ARHGEF7: variants seen among roughly 807,000 people sequenced by gnomAD.
ARHGEF7 encodes Rho guanine nucleotide exchange factor 7.
In ARHGEF7, 33 loss-of-function variants were observed where a neutral mutation model predicts 109.8. The ratio of observed to expected loss-of-function variants is 0.30; its 90% CI spans 0.23 to 0.40. The LOEUF (loss-of-function observed/expected upper bound fraction) is 0.40, where lower values mean the gene tolerates loss of function less well. Among genes scored for constraint, ARHGEF7 ranks in the 10% least tolerant of loss-of-function variants. The pLI is 1.00. For synonymous variants in ARHGEF7, 458 were observed against 424.6 expected (o/e 1.08, Z -0.97); for missense variants, 938 against 1,098.5 (o/e 0.85, Z 2.07).
chr13:111,275,665 G>C lies in ARHGEF7; in HGVS notation c.1406G>C (p.Cys469Ser), dbSNP rs531343656. The C allele has an allele frequency of 1.2e-6, 2 of 1,614,170 alleles. No individual in the cohort carries two copies. The highest frequency in any genetic ancestry group is 1.7e-5 in the Admixed American group (1 of 60,032). Residue 469 changes from cysteine (C) to serine (S), a missense_variant, in exon 12 of 22, where the codon TGT (cysteine) becomes TCT (serine). By Grantham distance (112) the Cys-to-Ser change is moderately radical. Transcript: ENST00000646102. Reference sequence around the variant, plus strand: ...TACATGTCCCAGGTCCTGATTCAGTGTGCCGGAAGTGAGGTACTGCTGCCC... The same window carrying C: ...TACATGTCCCAGGTCCTGATTCAGTCTGCCGGAAGTGAGGTACTGCTGCCC... ...VTYMSQVLIQ[C>S]AGSEEKNERY...
chr13:111,179,611 A>G (rs2078543618), intron 2 of ARHGEF7, among the ~76,000 whole-genome samples: 1 of 152,234 alleles, frequency 6.6e-6, no homozygotes, highest in Non-Finnish European at 1.5e-5. Context: ...TGGTGGTCTC[A>G]GAATGACGTT....
At chr13:111,219,400 A>G (rs866713615) in intron 5 of ARHGEF7, among the ~76,000 whole-genome samples, 2 of 152,224 alleles carry the variant, frequency 1.3e-5, no homozygotes, top group Non-Finnish European at 2.9e-5. Context: ...GTTGATGGGA[A>G]CTTGGGTTAC....
In ARHGEF7 at chr13:111,273,928, C is replaced by G; in HGVS notation, c.1188C>G (p.Leu396=). The change falls in exon 10 of 22, where the codon CTC becomes CTG. Residue 396 remains leucine, a synonymous_variant. Transcript: ENST00000646102. This position sits in a 1 kb window ranked among gnomAD's most constrained non-coding sequence, Gnocchi z 4.5. The stretch of plus-strand genomic sequence containing the variant: ...GCCTGGATAAATACCCTACGCTGCT[C>G]AAAGAGCTCGAGAGACACATGGAGG... ...FMRLDKYPTL[L]KELERHMEDY... The G allele has an allele frequency of 6.2e-7, 1 of 1,614,174 alleles. No homozygotes were observed. The highest frequency in any genetic ancestry group is 8.5e-7 in the Non-Finnish European group (1 of 1,180,026).
intron 8 of ARHGEF7, among the ~76,000 whole-genome samples, chr13:111,250,982 G>A (rs1261456654): frequency 6.6e-6 from 1 of 152,192 alleles, no homozygotes; most frequent in Non-Finnish European, 1.5e-5. Flanking sequence ...GGCTCTGTTA[G>A]GTAGACATGC....
chr13:111,157,318 AAACCCCTAGGCACACAATTTCT>A (rs1708837841), intron 2 of ARHGEF7, among the ~76,000 whole-genome samples: 1 of 151,988 alleles, frequency 6.6e-6, no homozygotes, highest in African/African-American at 2.4e-5. Context: ...TTAGGGCAAA[AAACCCCTAGGCACACAATTTCT>A]ATTTGTATCT....
At chr13:111,189,671 C>T (rs1372317440) in intron 2 of ARHGEF7, among the ~76,000 whole-genome samples, 5 of 152,152 alleles carry the variant, frequency 3.3e-5, no homozygotes, top group Non-Finnish European at 7.4e-5. Flanking sequence ...GCTTTTATTC[C>T]CTTATTTGGC....
At position 111,291,142 on chromosome 13, in the gene ARHGEF7, G is replaced by C. The variant is rs548677131; in HGVS notation, c.2135-976G>C. 5.3e-5 allele frequency among the ~76,000 whole-genome samples: 8 copies of C among 152,356 alleles called. No homozygotes were observed. The South Asian group carries it at 1.2e-3, about 24-fold the overall frequency. On this transcript the variant is annotated intron_variant, in intron 18 of 21. Transcript: ENST00000646102. ...TCAATTTGATAGAAGCAGGAGTAGG[G>C]AGGGGCCAGGGCTACTGTGATTTGC...
intron 1 of ARHGEF7, among the ~76,000 whole-genome samples, chr13:111,123,866 C>CA (rs200864109): frequency 3.6e-5 from 2 of 55,590 alleles, no homozygotes; most frequent in East Asian, 3.8e-4. Context: ...GGCTGCGCCC[C>CA]CCCCCCCCGG....
At chr13:111,283,391 C>T in intron 16 of ARHGEF7, 28 bp downstream of exon 16, 1 of 1,535,782 alleles carries the variant, frequency 6.5e-7, no homozygotes, top group Non-Finnish European at 8.7e-7. Context: ...CTCAAACAGC[C>T]AGATGACGGT....
chr13:111,301,671 T>A (rs1314260736), intron 21 of ARHGEF7, 139 bp downstream of exon 21: 10 of 604,906 alleles, frequency 1.7e-5, no homozygotes, highest in Non-Finnish European at 8.4e-6. Flanking sequence ...GGTGGACAGA[T>A]CACCTGAGGT....
chr13:111,254,180 G>C lies in ARHGEF7; in HGVS notation c.950+9886G>C, dbSNP rs532313849. On this transcript the variant is annotated intron_variant, in intron 8 of 21. Coordinates refer to ENST00000646102, the MANE Select transcript of ARHGEF7 (RefSeq NM_001354046.2). The stretch of plus-strand genomic sequence containing the variant: ...TGTACATTTTCTGTAAGATGATAGT[G>C]AAAACAGTACATCAAGAGAAAAATT... Among the ~76,000 whole-genome samples the C allele has an allele frequency of 1.8e-4, 28 of 152,342 alleles. No homozygotes were observed. The East Asian group carries it at 4.8e-3, about 26-fold the overall frequency.
rs1387585908 is a variant in ARHGEF7 at position 111,303,938 on chromosome 13, GT to G, written c.*829del. 1.3e-5 allele frequency: 2 copies of G among 152,286 alleles called. No homozygotes were observed. The highest frequency in any genetic ancestry group is 2.4e-5 in the African/African-American group (1 of 41,548). The allele number at this position is 152,286 out of a possible 1,614,324, so 9.4% of individuals were successfully genotyped here. ...TAGTTCAGTAACAACAAAATACACT[GT>G]TTTGTCTTCCCTCAAAGAGAGATCT... On this transcript the variant is annotated 3_prime_UTR_variant, in exon 22 of 22. Transcript: ENST00000646102.
chr13:111,250,432 A>G (rs975049163), intron 8 of ARHGEF7, among the ~76,000 whole-genome samples: 3 of 152,230 alleles, frequency 2.0e-5, no homozygotes, highest in Non-Finnish European at 4.4e-5. Flanking sequence ...TGAAAATTGT[A>G]TAAATAGTTA....
chr13:111,130,151 G>A (rs2074664034), intron 1 of ARHGEF7, among the ~76,000 whole-genome samples: 1 of 152,204 alleles, frequency 6.6e-6, no homozygotes, highest in Non-Finnish European at 1.5e-5. Context: ...AAGATTTCTA[G>A]TGACAGAAAG....
chr13:111,284,851 C>G (rs2153613821), intron 16 of ARHGEF7, among the ~76,000 whole-genome samples: 1 of 152,342 alleles, frequency 6.6e-6, no homozygotes, highest in South Asian at 2.1e-4. Context: ...CTGTGACCCT[C>G]TGCGCCTGCA....
Position 111,294,225 on chromosome 13 carries a change from C to T in ARHGEF7, c.2311+1931C>T, listed in dbSNP as rs943361019. ...TACTTACTATAAGTGGATTTAGAAG[C>T]GATTTTGGTTTTGTATTACATACGG... On this transcript the variant is annotated intron_variant, in intron 19 of 21. Transcript: ENST00000646102. The T allele has an allele frequency of 1.0e-5, 10 of 985,200 alleles. No homozygotes were observed. In the Admixed American group the frequency reaches 1.8e-4, roughly 18 times the overall value. 61.0% of individuals were successfully genotyped at this position (985,200 alleles called of 1,614,324 possible).
In ARHGEF7 at chr13:111,239,334, T is replaced by C. The variant is rs2087365767; in HGVS notation, c.760-4538T>C. 6.6e-6 allele frequency among the ~76,000 whole-genome samples: 1 copy of C among 152,128 alleles called. No homozygotes were observed. Among genetic ancestry groups the C allele is most frequent in the African/African-American group, 2.4e-5 (1 of 41,408 alleles). On this transcript the variant is annotated intron_variant, in intron 6 of 21. Coordinates refer to ENST00000646102, the MANE Select transcript of ARHGEF7 (RefSeq NM_001354046.2). This position sits in a 1 kb window ranked among gnomAD's most constrained non-coding sequence, Gnocchi z 4.3. The stretch of plus-strand genomic sequence containing the variant: ...TCTAATCTGTAAGTGTATAAAACGG[T>C]TATGTATCCTTAGATGCCATCACAC...
chr13:111,241,072 G>A (rs1398884706), intron 6 of ARHGEF7: 1 of 1,415,638 alleles, frequency 7.1e-7, no homozygotes. Context: ...GAGGCGGGCA[G>A]CATAGGGATT....
At chr13:111,177,983 A>G (rs1000683155) in intron 2 of ARHGEF7, among the ~76,000 whole-genome samples, 1 of 152,168 alleles carries the variant, frequency 6.6e-6, no homozygotes, top group Non-Finnish European at 1.5e-5. Context: ...CCTCTTCTCC[A>G]TGCGCAGGGA....
Sources: allele counts gnomAD v4.1 joint callset (sites outside exome capture counted in the v4.1 genomes callset), GRCh38; gene constraint gnomAD v4.1.1; non-coding constraint Gnocchi (gnomAD v3.1); transcripts MANE v1.5; gene names NCBI Gene and HGNC (gene_info 2026-07-23, HGNC 2026-07-21).